CSMD3: variants seen among roughly 807,000 people sequenced by gnomAD.
CSMD3 encodes the protein CUB and sushi domain-containing protein 3.
Under a neutral mutation model 435.2 loss-of-function variants are expected in CSMD3, and 177 were observed. That is an observed-to-expected ratio of 0.41 (90% CI 0.36 to 0.46). The LOEUF (loss-of-function observed/expected upper bound fraction) is 0.46, where lower values mean the gene tolerates loss of function less well. Ranked by LOEUF, CSMD3 falls within the 20% of genes least tolerant of loss-of-function variation. CSMD3 has a pLI of 0.34. For missense variants in CSMD3, 4,265 were observed against 4,504.6 expected (o/e 0.95, Z 1.52); for synonymous variants, 1,656 against 1,520.5 (o/e 1.09, Z -2.07).
intron 7 of CSMD3, among the ~76,000 whole-genome samples, chr8:112,970,599 A>C (rs2084614237): frequency 6.6e-6 from 1 of 151,930 alleles, no homozygotes; most frequent in African/African-American, 2.4e-5. Flanking sequence ...AAAACAACTT[A>C]TTTATTTTTG....
intron 4 of CSMD3, among the ~76,000 whole-genome samples, chr8:113,161,568 T>G (rs1025021458): frequency 6.6e-6 from 1 of 151,824 alleles, no homozygotes; most frequent in African/African-American, 2.4e-5. Context: ...TAACATAACT[T>G]TTTGTGGTCT....
At chr8:112,248,830 C>T (rs1239518259) in intron 63 of CSMD3, among the ~76,000 whole-genome samples, 1 of 152,054 alleles carries the variant, frequency 6.6e-6, no homozygotes, top group Non-Finnish European at 1.5e-5. Flanking sequence ...TTATCTCATG[C>T]TGTGTCTTCC....
intron 12 of CSMD3, among the ~76,000 whole-genome samples, chr8:112,804,450 G>A (rs994315341): frequency 6.6e-6 from 1 of 152,198 alleles, no homozygotes; most frequent in South Asian, 2.1e-4. Flanking sequence ...GCCATACTGC[G>A]AGAAGCCAGA....
chr8:112,359,021 T>G (rs2131102349), intron 38 of CSMD3, among the ~76,000 whole-genome samples: 1 of 152,300 alleles, frequency 6.6e-6, no homozygotes, highest in East Asian at 1.9e-4. Context: ...CTTAACAAAA[T>G]GTTTGCTTTT....
chr8:112,874,513 T>C (rs1303676951), intron 10 of CSMD3, among the ~76,000 whole-genome samples: 1 of 152,084 alleles, frequency 6.6e-6, no homozygotes, highest in East Asian at 1.9e-4. Flanking sequence ...GTTAAAGTCT[T>C]CCACTATTAT....
intron 16 of CSMD3, among the ~76,000 whole-genome samples, chr8:112,672,461 T>C (rs2075680593): frequency 1.3e-5 from 2 of 152,038 alleles, no homozygotes; most frequent in South Asian, 4.1e-4. Context: ...GTACTTCTAA[T>C]AGTTGTAAGA....
chr8:113,380,464 A>G (rs1479527996), intron 1 of CSMD3, among the ~76,000 whole-genome samples: 1 of 152,178 alleles, frequency 6.6e-6, no homozygotes, highest in East Asian at 1.9e-4. Flanking sequence ...GAAAAAAAAG[A>G]AAGAATTAGA....
intron 10 of CSMD3, among the ~76,000 whole-genome samples, chr8:112,899,658 T>TAC (rs201415005): frequency 0.048 from 2,389 of 49,722 alleles, 85 homozygotes; most frequent in African/African-American, 0.18. Context: ...TGTACGCAAA[T>TAC]ACATACACAC....
intron 4 of CSMD3, among the ~76,000 whole-genome samples, chr8:113,158,649 C>T (rs746082204): frequency 4.0e-5 from 6 of 151,864 alleles, no homozygotes; most frequent in African/African-American, 1.5e-4. Flanking sequence ...TTTAACTATC[C>T]ACTTTGGGAA....
intron 1 of CSMD3, among the ~76,000 whole-genome samples, chr8:113,387,103 T>A (rs2094442575): frequency 6.6e-6 from 1 of 151,756 alleles, no homozygotes; most frequent in Non-Finnish European, 1.5e-5. Context: ...TAAAAACAAA[T>A]GAAATGATGG....
At chr8:113,062,434 T>C (rs2088657013) in intron 5 of CSMD3, among the ~76,000 whole-genome samples, 1 of 151,936 alleles carries the variant, frequency 6.6e-6, no homozygotes, top group Non-Finnish European at 1.5e-5. Flanking sequence ...GAAACGTATT[T>C]GTTAGTCCAG....
intron 3 of CSMD3, among the ~76,000 whole-genome samples, chr8:113,185,468 C>G (rs187794654): frequency 6.6e-4 from 101 of 152,156 alleles, no homozygotes; most frequent in Admixed American, 1.3e-3. Flanking sequence ...TGAGGAAAAT[C>G]TAGTGAGGAC....
At position 113,385,954 on chromosome 8, in the gene CSMD3, T is replaced by G. The variant is rs181112182; in HGVS notation, c.178+50723A>C. ...ATTATCTATTTACGTGCATTAAATTTTATTTGGGGACATTCATGTTTTTCT... is the reference window on the plus strand; with the variant it reads ...ATTATCTATTTACGTGCATTAAATTGTATTTGGGGACATTCATGTTTTTCT... On this transcript the variant is annotated intron_variant, in intron 1 of 70. Transcript: ENST00000297405. Among the ~76,000 whole-genome samples the G allele has an allele frequency of 1.1e-4, 16 of 152,218 alleles. 1 individual carries two copies. In the East Asian group the frequency reaches 3.1e-3, roughly 29 times the overall value.
At chr8:113,004,322 C>A (rs1166767281) in intron 6 of CSMD3, among the ~76,000 whole-genome samples, 1 of 151,592 alleles carries the variant, frequency 6.6e-6, no homozygotes, top group Non-Finnish European at 1.5e-5. Context: ...CCAAAGAATA[C>A]AAAAAAATGT....
intron 17 of CSMD3, among the ~76,000 whole-genome samples, chr8:112,663,067 A>G (rs1423863457): frequency 1.3e-5 from 2 of 152,124 alleles, no homozygotes; most frequent in Non-Finnish European, 2.9e-5. Flanking sequence ...ACACTTTTAC[A>G]CTGTTGGTGG....
At chr8:112,945,957 G>A (rs2083598657) in intron 9 of CSMD3, among the ~76,000 whole-genome samples, 1 of 151,564 alleles carries the variant, frequency 6.6e-6, no homozygotes, top group Non-Finnish European at 1.5e-5. Context: ...CTTGAGACAT[G>A]TTTATTCTCT....
chr8:113,087,306 C>A (rs959287597), intron 5 of CSMD3, among the ~76,000 whole-genome samples: 1 of 151,630 alleles, frequency 6.6e-6, no homozygotes, highest in Admixed American at 6.6e-5. Flanking sequence ...AGATTCAATG[C>A]CATCCCCATC....
At chr8:112,926,246 G>T (rs1448391658) in intron 9 of CSMD3, among the ~76,000 whole-genome samples, 1 of 151,552 alleles carries the variant, frequency 6.6e-6, no homozygotes, top group African/African-American at 2.4e-5. Flanking sequence ...AAATATGTGT[G>T]TGTGTGTGTG....
intron 22 of CSMD3, among the ~76,000 whole-genome samples, chr8:112,628,865 G>A (rs78639618): frequency 2.0e-5 from 3 of 152,196 alleles, no homozygotes; most frequent in African/African-American, 7.2e-5. Context: ...GAAGGGATTA[G>A]GCCAAATTAT....
Sources: gnomAD v4.1 joint callset for allele counts (sites outside exome capture counted in the v4.1 genomes callset) on GRCh38, gnomAD v4.1.1 for gene constraint, MANE v1.5 for transcripts, NCBI Gene and HGNC (gene_info 2026-07-23, HGNC 2026-07-21) for gene names.